SCAMP5: variants seen among roughly 807,000 people sequenced by gnomAD.
SCAMP5 encodes secretory carrier-associated membrane protein 5.
SCAMP5 carries 7 observed loss-of-function variants against 28.3 expected under a neutral mutation model. That is an observed-to-expected ratio of 0.25 (90% CI 0.14 to 0.46). SCAMP5 has a LOEUF of 0.46. Among genes scored for constraint, SCAMP5 ranks in the 20% least tolerant of loss-of-function variants. The pLI, the probability that SCAMP5 is intolerant of heterozygous loss-of-function variation, is 0.99. For synonymous variants in SCAMP5, 117 were observed against 116.4 expected (o/e 1.00, Z -0.03); for missense variants, 192 against 312.5 (o/e 0.61, Z 2.91).
intron 4 of SCAMP5, among the ~76,000 whole-genome samples, chr15:75,017,227 C>T (rs1048459946): frequency 6.6e-6 from 1 of 152,142 alleles, no homozygotes; most frequent in Non-Finnish European, 1.5e-5. Context: ...AGGGAACACC[C>T]ATCCACATAT....
chr15:75,002,526 G>A (rs1369053467), intron 1 of SCAMP5, among the ~76,000 whole-genome samples: 1 of 151,812 alleles, frequency 6.6e-6, no homozygotes, highest in African/African-American at 2.4e-5. Flanking sequence ...CCACCAAAAC[G>A]ATTCTTGCTG....
Position 75,018,077 on chromosome 15 carries a change from G to C in SCAMP5, c.395+106G>C. On this transcript the variant is annotated intron_variant, in intron 5 of 6. Transcript: ENST00000425597. The surrounding 1 kb of genome is among the most constrained non-coding windows in gnomAD (Gnocchi z 5.6). ...GTCTAGCCTATGGGGCCTGAGTGAT[G>C]GGTTGTTGGGAGAGTGAGAGGATTC... 1.4e-6 allele frequency: 1 copy of C among 714,762 alleles called. No homozygotes were observed. The highest frequency in any genetic ancestry group is 2.5e-6 in the Non-Finnish European group (1 of 407,746). 44.3% of individuals were successfully genotyped at this position (714,762 alleles called of 1,614,324 possible).
At chr15:75,003,979 A>AC (rs1208624712) in intron 1 of SCAMP5, among the ~76,000 whole-genome samples, 1 of 150,958 alleles carries the variant, frequency 6.6e-6, no homozygotes, top group Non-Finnish European at 1.5e-5. Context: ...ATCTCCGCTC[A>AC]CCGCAACCTC....
At chr15:75,001,004 T>A (rs1046839606) in intron 1 of SCAMP5, among the ~76,000 whole-genome samples, 2 of 152,002 alleles carry the variant, frequency 1.3e-5, no homozygotes, top group African/African-American at 4.8e-5. Flanking sequence ...CTCACGCCTG[T>A]AATCCCAGCA....
chr15:75,003,382 G>A (rs1033628769), intron 1 of SCAMP5, among the ~76,000 whole-genome samples: 7 of 152,096 alleles, frequency 4.6e-5, no homozygotes, highest in Admixed American at 6.5e-5. Flanking sequence ...GTTCCCCAGA[G>A]AGCCACAATT....
chr15:75,010,255 C>A lies in SCAMP5; in HGVS notation c.-48-1537C>A, dbSNP rs533921395. The stretch of plus-strand genomic sequence containing the variant: ...GCCCTGTCCAGGTGTCCCCCAGCGT[C>A]TCTACCCTGTATGTCCCTAGCACAG... On this transcript the variant is annotated intron_variant, in intron 1 of 6. Transcript: ENST00000425597. Among the ~76,000 whole-genome samples, 27 of 152,280 alleles carry A rather than the reference C, an allele frequency of 1.8e-4. No homozygotes were observed. In the South Asian group the frequency reaches 5.6e-3, roughly 32 times the overall value.
intron 1 of SCAMP5, among the ~76,000 whole-genome samples, chr15:75,002,918 C>T (rs1051022778): frequency 4.6e-5 from 7 of 152,016 alleles, no homozygotes; most frequent in Non-Finnish European, 7.4e-5. Context: ...CTTACAGTTA[C>T]AAATTGGCAT....
At chr15:75,008,394 A>G (rs2065780616) in intron 1 of SCAMP5, among the ~76,000 whole-genome samples, 1 of 149,196 alleles carries the variant, frequency 6.7e-6, no homozygotes, top group South Asian at 2.1e-4. Context: ...CCCCTTTCTT[A>G]CATAAGGGGT....
rs1264426493 is a variant in SCAMP5 at position 75,021,249 on chromosome 15, C to G, written c.*2266C>G. ...ACTATGCACTTTCCCGGGGAGAGAA[C>G]CAGTATGAGAAGTGGGGGCAGGGCA... On this transcript the variant is annotated 3_prime_UTR_variant, in exon 7 of 7. Coordinates refer to ENST00000425597, the MANE Select transcript of SCAMP5 (RefSeq NM_138967.4). The G allele has an allele frequency of 6.6e-6, 1 of 152,318 alleles. No individual in the cohort carries two copies. The allele number at this position is 152,318 out of a possible 1,614,324, so 9.4% of individuals were successfully genotyped here.
At chr15:75,001,869 CAAAAAAAAAAA>C (rs769760180) in intron 1 of SCAMP5, among the ~76,000 whole-genome samples, 16 of 40,460 alleles carry the variant, frequency 4.0e-4, no homozygotes, top group East Asian at 1.2e-3. Context: ...GACTCGGTCT[CAAAAAAAAAAA>C]AAAAAAAAAA....
intron 3 of SCAMP5, among the ~76,000 whole-genome samples, chr15:75,013,850 A>G (rs967692090): frequency 9.2e-5 from 14 of 152,012 alleles, no homozygotes; most frequent in Non-Finnish European, 1.9e-4. Flanking sequence ...TAAATAATCT[A>G]GAATTCTTTA....
chr15:74,997,603 G>C (rs11858208), intron 1 of SCAMP5, among the ~76,000 whole-genome samples: 1 of 152,206 alleles, frequency 6.6e-6, no homozygotes, highest in Admixed American at 6.5e-5. Flanking sequence ...GCAGGACTTA[G>C]AGGAGCTGAT....
intron 1 of SCAMP5, among the ~76,000 whole-genome samples, chr15:75,011,151 A>G (rs1000011863): frequency 4.6e-5 from 7 of 151,916 alleles, no homozygotes; most frequent in Non-Finnish European, 8.8e-5. Context: ...GGCTGCCGTG[A>G]GCTGGGATTA....
At chr15:75,012,059 C>G (rs910549735) in intron 2 of SCAMP5, among the ~76,000 whole-genome samples, 1 of 152,208 alleles carries the variant, frequency 6.6e-6, no homozygotes, top group Non-Finnish European at 1.5e-5. Flanking sequence ...GTCCTATGGA[C>G]CAGGAATTGA....
At chr15:75,016,566 T>C in intron 3 of SCAMP5, 27 bp from the exon 4 acceptor site, 1 of 1,603,738 alleles carries the variant, frequency 6.2e-7, no homozygotes, top group East Asian at 2.2e-5. Context: ...TCTGTCTCTA[T>C]GTGTGCATGT....
At chr15:75,004,189 C>T (rs923955968) in intron 1 of SCAMP5, among the ~76,000 whole-genome samples, 47 of 152,062 alleles carry the variant, frequency 3.1e-4, no homozygotes, top group Non-Finnish European at 5.4e-4. Flanking sequence ...CAGGCGTGAG[C>T]CACCACGTCT....
rs765542639 is a variant in SCAMP5 at position 75,018,518 on chromosome 15, T to G, written c.496T>G (p.Phe166Val). 3.1e-6 allele frequency: 5 copies of G among 1,610,296 alleles called. No individual in the cohort carries two copies. Among genetic ancestry groups the G allele is most frequent in the East Asian group, 2.2e-5 (1 of 44,862 alleles). Residue 166 changes from phenylalanine (F) to valine (V), a missense_variant, in exon 6 of 7, where the codon TTC (phenylalanine) becomes GTC (valine). By Grantham distance (50) the Phe-to-Val change is conservative (BLOSUM62 -1). Transcript: ENST00000425597. The surrounding 1 kb of genome is among the most constrained non-coding windows in gnomAD (Gnocchi z 5.6). ...GTTCACAGTGATGGCCGTCTTTTCC[T>G]TCATCGCCCTCAGCATGGTACGTGG... Reference protein sequence around the residue: ...VMFTVMAVFSFIALSMVHKFY... With the variant: ...VMFTVMAVFSVIALSMVHKFY...
intron 1 of SCAMP5, chr15:75,007,479 C>A: frequency 6.6e-6 from 1 of 152,464 alleles, no homozygotes; most frequent in South Asian, 2.0e-4. Context: ...CCTCGACTTC[C>A]TGAGCTCAAG....
At position 75,019,040 on chromosome 15, in the gene SCAMP5, C is replaced by A; in HGVS notation, c.*57C>A. On this transcript the variant is annotated 3_prime_UTR_variant, in exon 7 of 7. Transcript: ENST00000425597. ...GGCCATTGGGACAGGGGGCTCAAGC[C>A]ACATCGTCATTTGTGGTTACCAAGC... The A allele has an allele frequency of 7.9e-7, 1 of 1,258,352 alleles. No homozygotes were observed. The highest frequency in any genetic ancestry group is 2.6e-5 in the East Asian group (1 of 38,302). The allele number at this position is 1,258,352 out of a possible 1,614,324, so 77.9% of individuals were successfully genotyped here. A position where few individuals can be genotyped will look rare whatever the true frequency, so the allele number is the denominator to read the frequency against.
Sources: allele counts gnomAD v4.1 joint callset (sites outside exome capture counted in the v4.1 genomes callset), GRCh38; gene constraint gnomAD v4.1.1; non-coding constraint Gnocchi (gnomAD v3.1); transcripts MANE v1.5; gene names NCBI Gene and HGNC (gene_info 2026-07-23, HGNC 2026-07-21).